Variants in RABEP2 observed in about 807,000 individuals in gnomAD.
The protein encoded by RABEP2 is rab GTPase-binding effector protein 2.
In RABEP2, 57 loss-of-function variants were observed where a neutral mutation model predicts 74.1. The ratio of observed to expected loss-of-function variants is 0.77; its 90% CI spans 0.62 to 0.96. The LOEUF (loss-of-function observed/expected upper bound fraction) is 0.96. RABEP2 is among the 40% of genes least tolerant of loss of function. The pLI is 0.00. For synonymous variants in RABEP2, 351 were observed against 344.0 expected (o/e 1.02, Z -0.23); for missense variants, 692 against 756.3 (o/e 0.91, Z 1.00).
chr16:28,911,726 G>A (rs1964317230), intron 5 of RABEP2, among the ~76,000 whole-genome samples: 1 of 151,528 alleles, frequency 6.6e-6, no homozygotes, highest in South Asian at 2.1e-4. Flanking sequence ...GGGAGGCTGA[G>A]GTGGGTGGTC....
At chr16:28,907,314 A>G (rs1350296502) in intron 8 of RABEP2, among the ~76,000 whole-genome samples, 1 of 151,670 alleles carries the variant, frequency 6.6e-6, no homozygotes, top group Non-Finnish European at 1.5e-5. Context: ...AGGCCACCAC[A>G]CCTGGCTAAT....
intron 5 of RABEP2, among the ~76,000 whole-genome samples, chr16:28,912,641 G>A (rs1964330801): frequency 6.6e-6 from 1 of 151,838 alleles, no homozygotes; most frequent in Admixed American, 6.6e-5. Context: ...TCAAACTCCT[G>A]GGCTCCAGCA....
In RABEP2 at chr16:28,915,694, G is replaced by A. The variant is rs1444580414; in HGVS notation, c.433-912C>T. ...TGAGTAGCTGGGATTACAGGCGCTC[G>A]CCACCACGCCCGGCTAATTTTTGTA... On this transcript the variant is annotated intron_variant, in intron 3 of 12. Coordinates refer to ENST00000358201, the MANE Select transcript of RABEP2 (RefSeq NM_024816.3). Among the ~76,000 whole-genome samples the A allele has an allele frequency of 3.3e-5, 5 of 151,784 alleles. No individual in the cohort carries two copies. The East Asian group carries it at 5.8e-4, about 18-fold the overall frequency.
chr16:28,906,696 CAG>C (rs1485162824), intron 8 of RABEP2, among the ~76,000 whole-genome samples: 4 of 152,020 alleles, frequency 2.6e-5, no homozygotes, highest in Non-Finnish European at 5.9e-5. Flanking sequence ...ACCTAGGAGG[CAG>C]AGGTTGCAGT....
Position 28,906,115 on chromosome 16 carries a change from G to A in RABEP2, c.1327C>T (p.Arg443Trp), listed in dbSNP as rs760372873. The change falls in exon 9 of 13, where the codon CGG becomes TGG. Residue 443 changes from arginine to tryptophan, a missense_variant. By Grantham distance (101) the Arg-to-Trp change is moderately radical (BLOSUM62 -3). Transcript: ENST00000358201. Reference sequence around the variant, plus strand: ...TCCCGCAGCGTCACGATCTCGATCCGCAGGCGCTCGGCCCCGTGCTCCTGG... The same window carrying A: ...TCCCGCAGCGTCACGATCTCGATCCACAGGCGCTCGGCCCCGTGCTCCTGG... ...QAQEHGAERL[R>W]IEIVTLREAL... The A allele has an allele frequency of 2.0e-5, 31 of 1,583,190 alleles. 1 individual carries two copies. Among genetic ancestry groups the A allele is most frequent in the African/African-American group, 2.7e-5 (2 of 74,186 alleles).
At chr16:28,913,136 G>T (rs1964336898) in intron 5 of RABEP2, among the ~76,000 whole-genome samples, 1 of 151,392 alleles carries the variant, frequency 6.6e-6, no homozygotes, top group African/African-American at 2.4e-5. Flanking sequence ...CTCCATGTTG[G>T]TCAGGCTGGT....
At chr16:28,916,673 C>CAAA (rs74392921) in intron 3 of RABEP2, among the ~76,000 whole-genome samples, 2 of 48,686 alleles carry the variant, frequency 4.1e-5, no homozygotes. Context: ...CTCTTGTCTC[C>CAAA]AAAAAAAAAA....
At chr16:28,905,670 C>T in intron 11 of RABEP2, 34 bp downstream of exon 11, 1 of 1,609,614 alleles carries the variant, frequency 6.2e-7, no homozygotes, top group Non-Finnish European at 8.5e-7. Context: ...CAGCTGGGTC[C>T]CTCTCCTCCC....
chr16:28,925,125 C>CCGT lies in RABEP2; in HGVS notation c.38_39insACG (p.Arg17dup). The stretch of plus-strand genomic sequence containing the variant: ...TACCAGCCCCCGGCCGCCGCCGCCG[C>CCGT]TCATCGTCGTCCGCGGCCACCGGCG... On this transcript the variant is annotated inframe_insertion, in exon 1 of 13. Coordinates refer to ENST00000358201, the MANE Select transcript of RABEP2 (RefSeq NM_024816.3). 1 of 1,535,788 alleles carries CCGT rather than the reference C, an allele frequency of 6.5e-7. No individual in the cohort carries two copies. The highest frequency in any genetic ancestry group is 2.5e-5 in the East Asian group (1 of 40,582).
chr16:28,922,936 C>T (rs933103372), intron 2 of RABEP2, among the ~76,000 whole-genome samples: 1 of 152,020 alleles, frequency 6.6e-6, no homozygotes, highest in Non-Finnish European at 1.5e-5. Context: ...GCTTGGTTTC[C>T]AACCTTTGGC....
chr16:28,912,406 C>CTTT (rs58094012), intron 5 of RABEP2, among the ~76,000 whole-genome samples: 5 of 118,144 alleles, frequency 4.2e-5, no homozygotes, highest in African/African-American at 1.4e-4. Context: ...TTCTTTCTTT[C>CTTT]TTTTTTTTTT....
intron 5 of RABEP2, among the ~76,000 whole-genome samples, chr16:28,912,046 A>C (rs939517421): frequency 6.6e-6 from 1 of 152,010 alleles, no homozygotes; most frequent in African/African-American, 2.4e-5. Context: ...GGAGATCGAG[A>C]CCATCCTGGC....
rs1964272492 is a variant in RABEP2 at position 28,908,846 on chromosome 16, C to T, written c.1090-82G>A. 8.5e-6 allele frequency: 12 copies of T among 1,407,978 alleles called. No individual in the cohort carries two copies. In the South Asian group the frequency reaches 1.3e-4, roughly 16 times the overall value. 87.2% of individuals were successfully genotyped at this position (1,407,978 alleles called of 1,614,324 possible). ...AGGAGGCCAAACCTCCTTGAACCCT[C>T]CTCCCAGACTGACAGCAAGAGAGCC... On this transcript the variant is annotated intron_variant, in intron 7 of 12. Coordinates refer to ENST00000358201, the MANE Select transcript of RABEP2 (RefSeq NM_024816.3).
chr16:28,919,692 G>A, intron 3 of RABEP2, 94 bp downstream of exon 3: 1 of 1,393,534 alleles, frequency 7.2e-7, no homozygotes, highest in Non-Finnish European at 9.7e-7. Flanking sequence ...TCACTGCTGG[G>A]TGCCCCGCAC....
chr16:28,919,190 C>T (rs1325278470), intron 3 of RABEP2, among the ~76,000 whole-genome samples: 1 of 152,170 alleles, frequency 6.6e-6, no homozygotes, highest in Non-Finnish European at 1.5e-5. Context: ...AAGTCTCACT[C>T]TATTGCCCAG....
At chr16:28,911,398 A>G (rs1964312240) in intron 5 of RABEP2, among the ~76,000 whole-genome samples, 1 of 152,176 alleles carries the variant, frequency 6.6e-6, no homozygotes, top group Admixed American at 6.5e-5. Context: ...GAGTGGGGTC[A>G]CGCCTGTAAT....
At chr16:28,907,791 C>G (rs1964255105) in intron 8 of RABEP2, among the ~76,000 whole-genome samples, 1 of 152,002 alleles carries the variant, frequency 6.6e-6, no homozygotes, top group Admixed American at 6.6e-5. Flanking sequence ...CACGAGCCAC[C>G]ACACCCAACT....
At chr16:28,911,524 G>A (rs1004735062) in intron 5 of RABEP2, among the ~76,000 whole-genome samples, 23 of 151,862 alleles carry the variant, frequency 1.5e-4, no homozygotes, top group Non-Finnish European at 2.1e-4. Context: ...TTAGCCGGGC[G>A]TGGTGGCGGG....
In RABEP2 at chr16:28,914,766, T is replaced by C. The variant is rs1964365664; in HGVS notation, c.449A>G (p.Glu150Gly). The C allele has an allele frequency of 1.2e-6, 2 of 1,613,836 alleles. No homozygotes were observed. The highest frequency in any genetic ancestry group is 3.3e-5 in the Admixed American group (2 of 59,976). Residue 150 changes from glutamate to glycine, a missense_variant, in exon 4 of 13, where the codon GAG becomes GGG. By Grantham distance (98) the Glu-to-Gly change is moderately conservative (BLOSUM62 -2). Coordinates refer to ENST00000358201, the MANE Select transcript of RABEP2 (RefSeq NM_024816.3). Reference sequence around the variant, plus strand: ...GGGCAGTACGATCTCCCGCAGCTTCTCCGAGTCCTCGTGGGCCTGGAGGGA... The same window carrying C: ...GGGCAGTACGATCTCCCGCAGCTTCCCCGAGTCCTCGTGGGCCTGGAGGGA... ...KQMEKAHEDS[E>G]KLREIVLPME...
Sources: gnomAD v4.1 joint callset for allele counts (sites outside exome capture counted in the v4.1 genomes callset) on GRCh38, gnomAD v4.1.1 for gene constraint, MANE v1.5 for transcripts, NCBI Gene and HGNC (gene_info 2026-07-23, HGNC 2026-07-21) for gene names.